DLGAP2: variants seen among roughly 807,000 people sequenced by gnomAD.
The protein encoded by DLGAP2 is DLG associated protein 2.
DLGAP2 carries 26 observed loss-of-function variants against 100.3 expected under a neutral mutation model. The observed-to-expected ratio is 0.26, with a 90% CI of 0.19 to 0.36. The LOEUF is 0.36. Ranked by LOEUF, DLGAP2 falls within the 10% of genes least tolerant of loss-of-function variation. DLGAP2 has a pLI of 1.00. For missense variants in DLGAP2, 1,858 were observed against 1,453.2 expected (o/e 1.28, Z -4.53); for synonymous variants, 886 against 630.1 (o/e 1.41, Z -6.08).
At chr8:1,334,096 C>T (rs10105680) in intron 3 of DLGAP2, among the ~76,000 whole-genome samples, 2,706 of 152,340 alleles carry the variant, frequency 0.018, 37 homozygotes, top group Non-Finnish European at 0.028. Context: ...ACAGCTCATG[C>T]CTGGACTGGA....
intron 2 of DLGAP2, among the ~76,000 whole-genome samples, chr8:1,037,048 A>C (rs1277652460): frequency 2.0e-5 from 3 of 152,048 alleles, no homozygotes; most frequent in African/African-American, 7.3e-5. Flanking sequence ...GGCCAGATGG[A>C]GGAGCTCCCT....
intron 3 of DLGAP2, among the ~76,000 whole-genome samples, chr8:1,443,762 T>A (rs1046766068): frequency 6.6e-6 from 1 of 152,114 alleles, no homozygotes; most frequent in African/African-American, 2.4e-5. Flanking sequence ...ACTGCCCTCG[T>A]GATTCAATTA....
intron 3 of DLGAP2, among the ~76,000 whole-genome samples, chr8:1,378,424 A>ACACACCTGACCTCACCTGTCCATCCTGCG: frequency 7.3e-6 from 1 of 137,288 alleles, no homozygotes; most frequent in Non-Finnish European, 1.5e-5. Context: ...TCCGTCCTGC[A>ACACACCTGACCTCACCTGTCCATCCTGCG]CACACCTGAC....
intron 1 of DLGAP2, among the ~76,000 whole-genome samples, chr8:771,922 G>C (rs983495644): frequency 2.0e-5 from 3 of 152,076 alleles, no homozygotes; most frequent in Non-Finnish European, 4.4e-5. Context: ...TATTTTTTTA[G>C]AGACAGGTTC....
intron 4 of DLGAP2, among the ~76,000 whole-genome samples, chr8:1,504,789 G>A (rs1799849166): frequency 6.6e-6 from 1 of 152,158 alleles, no homozygotes; most frequent in Non-Finnish European, 1.5e-5. Flanking sequence ...ATGGGCTTGA[G>A]GTTGGTTCTG....
intron 2 of DLGAP2, among the ~76,000 whole-genome samples, chr8:1,143,707 C>G (rs923150185): frequency 1.1e-4 from 17 of 152,220 alleles, no homozygotes; most frequent in South Asian, 2.1e-4. Flanking sequence ...CGCTGGCCAC[C>G]CTAAGTCACT....
At chr8:756,837 A>T (rs1449137511) in intron 1 of DLGAP2, among the ~76,000 whole-genome samples, 1 of 151,924 alleles carries the variant, frequency 6.6e-6, no homozygotes, top group Non-Finnish European at 1.5e-5. Flanking sequence ...CATCCTACAC[A>T]CAGCTGCCGG....
chr8:788,862 C>G (rs909464012), intron 1 of DLGAP2, among the ~76,000 whole-genome samples: 2 of 152,158 alleles, frequency 1.3e-5, no homozygotes, highest in Non-Finnish European at 2.9e-5. Context: ...TTTTGTTATG[C>G]TTCCACTGCT....
intron 2 of DLGAP2, among the ~76,000 whole-genome samples, chr8:1,073,832 G>A (rs1803507626): frequency 6.6e-6 from 1 of 152,238 alleles, no homozygotes; most frequent in South Asian, 2.1e-4. Context: ...CTGCTATTCT[G>A]TGGCAGAGTC....
intron 3 of DLGAP2, among the ~76,000 whole-genome samples, chr8:1,455,547 C>T (rs1798288686): frequency 6.6e-6 from 1 of 152,234 alleles, no homozygotes; most frequent in African/African-American, 2.4e-5. Context: ...GCCTGACACA[C>T]AGAGGCTTGC....
chr8:1,227,150 T>C lies in DLGAP2; in HGVS notation c.74-31701T>C, dbSNP rs561092677. On this transcript the variant is annotated intron_variant, in intron 2 of 14. Coordinates refer to ENST00000637795, the MANE Select transcript of DLGAP2 (RefSeq NM_001346810.2). ...AACAAATGAATGGGTAAGGAAACTG[T>C]GAGATATATATATATATATATATAG... Among the ~76,000 whole-genome samples the C allele has an allele frequency of 3.4e-3, 162 of 47,912 alleles. 5 individuals are homozygous for C. Among genetic ancestry groups the C allele is most frequent in the African/African-American group, 0.023 (126 of 5,456 alleles). 31.4% of individuals were successfully genotyped at this position (47,912 alleles called of 152,430 possible).
At position 1,501,254 on chromosome 8, in the gene DLGAP2, G is replaced by A. The variant is rs990953961; in HGVS notation, c.107-112G>A. 34 of 1,118,032 alleles carry A rather than the reference G, an allele frequency of 3.0e-5. No individual in the cohort carries two copies. In the East Asian group the frequency reaches 8.3e-4, roughly 27 times the overall value. 69.3% of individuals were successfully genotyped at this position (1,118,032 alleles called of 1,614,324 possible). A position where few individuals can be genotyped will look rare whatever the true frequency, so the allele number is the denominator to read the frequency against. Reference sequence around the variant, plus strand: ...CGGTGACGTTTGAAGAAATACAAAGGTGTCTGTCATGTTTGAACTGTTGAG... The same window carrying A: ...CGGTGACGTTTGAAGAAATACAAAGATGTCTGTCATGTTTGAACTGTTGAG... On this transcript the variant is annotated intron_variant, in intron 3 of 14. Transcript: ENST00000637795.
chr8:819,368 C>G (rs780617929), intron 1 of DLGAP2, among the ~76,000 whole-genome samples: 29 of 152,166 alleles, frequency 1.9e-4, no homozygotes, highest in Non-Finnish European at 3.4e-4. Context: ...CAGGAAACTT[C>G]CGTGAAACAG....
intron 1 of DLGAP2, among the ~76,000 whole-genome samples, chr8:889,559 C>A (rs528266041): frequency 1.3e-5 from 2 of 152,210 alleles, no homozygotes; most frequent in Admixed American, 1.3e-4. Flanking sequence ...GCCTGAAGAG[C>A]ACTCTGGACA....
At chr8:850,059 T>TG (rs1554432720) in intron 1 of DLGAP2, among the ~76,000 whole-genome samples, 1 of 129,318 alleles carries the variant, frequency 7.7e-6, no homozygotes, top group African/African-American at 3.0e-5. Context: ...GGAGACTGTC[T>TG]AAAAAAAAAA....
rs559875582 is a variant in DLGAP2, at chr8:884,011, G to A, written c.19-23901G>A. 1.6e-4 allele frequency among the ~76,000 whole-genome samples: 25 copies of A among 152,308 alleles called. 1 individual carries two copies. In the South Asian group the frequency reaches 5.0e-3, roughly 30 times the overall value. On this transcript the variant is annotated intron_variant, in intron 1 of 14. Coordinates refer to ENST00000637795, the MANE Select transcript of DLGAP2 (RefSeq NM_001346810.2). ...CTGCATAGTATTCCATGGTGTATAT[G>A]TACCACATTTTCTTTATCCAGTCTA...
At chr8:910,631 TGATTGGCCTTTCACA>T (rs1167108097) in intron 2 of DLGAP2, 1 of 152,200 alleles carries the variant, frequency 6.6e-6, no homozygotes, top group African/African-American at 2.4e-5. Context: ...TGGTGACCCC[TGATTGGCCTTTCACA>T]GGCCTTTGGT....
intron 10 of DLGAP2, among the ~76,000 whole-genome samples, chr8:1,675,740 C>A (rs1351961000): frequency 6.6e-6 from 1 of 152,070 alleles, no homozygotes; most frequent in African/African-American, 2.4e-5. Flanking sequence ...TAATACTTTT[C>A]TGGAAAGAGG....
intron 6 of DLGAP2, among the ~76,000 whole-genome samples, chr8:1,587,776 C>G (rs890847918): frequency 2.6e-4 from 40 of 152,236 alleles, no homozygotes; most frequent in African/African-American, 8.9e-4. Context: ...GCCATTTTCT[C>G]TTTTCAGGCC....
Sources: gnomAD v4.1 joint callset for allele counts (sites outside exome capture counted in the v4.1 genomes callset) on GRCh38, gnomAD v4.1.1 for gene constraint, MANE v1.5 for transcripts, NCBI Gene and HGNC (gene_info 2026-07-23, HGNC 2026-07-21) for gene names.